EFNA5: variants seen among roughly 807,000 people sequenced by gnomAD.
The protein encoded by EFNA5 is ephrin-A5.
Under a neutral mutation model 22.9 loss-of-function variants are expected in EFNA5, and 5 were observed. That is an observed-to-expected ratio of 0.22 (90% confidence interval 0.11 to 0.46). EFNA5 has a LOEUF of 0.46. EFNA5 is among the 20% of genes least tolerant of loss of function. The pLI, the probability that EFNA5 is intolerant of heterozygous loss-of-function variation, is 0.99. For synonymous variants in EFNA5, 113 were observed against 112.2 expected (o/e 1.01, Z -0.04); for missense variants, 237 against 293.3 (o/e 0.81, Z 1.40).
intron 1 of EFNA5, among the ~76,000 whole-genome samples, chr5:107,592,314 C>G (rs1250541147): frequency 6.6e-6 from 1 of 151,042 alleles, no homozygotes; most frequent in East Asian, 2.0e-4. Context: ...TTCAATTATA[C>G]CAATGATCAA....
At chr5:107,632,339 ATATACT>A (rs1480496904) in intron 1 of EFNA5, among the ~76,000 whole-genome samples, 2 of 152,260 alleles carry the variant, frequency 1.3e-5, no homozygotes, top group Non-Finnish European at 1.5e-5. Flanking sequence ...AAAAACTCTG[ATATACT>A]TATAAGAACA....
At chr5:107,647,286 C>T (rs1401810946) in intron 1 of EFNA5, among the ~76,000 whole-genome samples, 1 of 152,076 alleles carries the variant, frequency 6.6e-6, no homozygotes, top group East Asian at 1.9e-4. Context: ...TATACACTTT[C>T]TTCAGCATCT....
intron 1 of EFNA5, among the ~76,000 whole-genome samples, chr5:107,483,178 T>A (rs905982446): frequency 6.6e-6 from 1 of 152,158 alleles, no homozygotes; most frequent in Admixed American, 6.5e-5. Context: ...TTCCAGAGAT[T>A]ACTTCATTTA....
intron 1 of EFNA5, among the ~76,000 whole-genome samples, chr5:107,660,979 A>G (rs1021122761): frequency 2.6e-5 from 4 of 152,138 alleles, no homozygotes; most frequent in African/African-American, 9.7e-5. Context: ...GTAAACAAAT[A>G]TATGAAGAAA....
At position 107,379,250 on chromosome 5, in the gene EFNA5, T is replaced by C. The variant is rs1194472835; in HGVS notation, c.*2005A>G. 1 of 152,130 alleles carries C rather than the reference T, an allele frequency of 6.6e-6. No individual in the cohort carries two copies. The highest frequency in any genetic ancestry group is 2.4e-5 in the African/African-American group (1 of 41,418). 9.4% of individuals were successfully genotyped at this position (152,130 alleles called of 1,614,324 possible). A position where few individuals can be genotyped will look rare whatever the true frequency, so the allele number is the denominator to read the frequency against. On this transcript the variant is annotated 3_prime_UTR_variant, in exon 5 of 5. Coordinates refer to ENST00000333274, the MANE Select transcript of EFNA5 (RefSeq NM_001962.3). The stretch of plus-strand genomic sequence containing the variant: ...TGACATCCACTCCAAATGGATCAGG[T>C]AAGCCCAGATTACATTTCAACATGT...
chr5:107,527,707 T>C (rs1433419530), intron 1 of EFNA5, among the ~76,000 whole-genome samples: 1 of 152,172 alleles, frequency 6.6e-6, no homozygotes, highest in Non-Finnish European at 1.5e-5. Context: ...TTCAGAGTAG[T>C]CTCATGCACA....
At position 107,427,525 on chromosome 5, in the gene EFNA5, A is replaced by T. The variant is rs1431499771; in HGVS notation, c.126-16T>A. 1 of 1,569,486 alleles carries T rather than the reference A, an allele frequency of 6.4e-7. No individual in the cohort carries two copies. ...CCTCTGGAATCTGTTAGAAAAAGAAAAAAAAATGTGATAATTCATAGAGAA... is the reference window on the plus strand; with the variant it reads ...CCTCTGGAATCTGTTAGAAAAAGAATAAAAAATGTGATAATTCATAGAGAA... On this transcript the variant is annotated splice_polypyrimidine_tract_variant and intron_variant, in intron 1 of 4. Transcript: ENST00000333274.
At chr5:107,577,281 GAAAAGGGGA>G (rs1451352442) in intron 1 of EFNA5, among the ~76,000 whole-genome samples, 1 of 152,044 alleles carries the variant, frequency 6.6e-6, no homozygotes, top group African/African-American at 2.4e-5. Context: ...CGTAGCCTGG[GAAAAGGGGA>G]AATTTGCCAT....
chr5:107,591,893 AT>A (rs1749340824), intron 1 of EFNA5, among the ~76,000 whole-genome samples: 1 of 13,214 alleles, frequency 7.6e-5, no homozygotes, highest in Non-Finnish European at 1.2e-4. Flanking sequence ...TATATATATT[AT>A]ATATAATATA....
At chr5:107,479,732 AC>A (rs1276806245) in intron 1 of EFNA5, among the ~76,000 whole-genome samples, 2 of 152,176 alleles carry the variant, frequency 1.3e-5, no homozygotes, top group Non-Finnish European at 2.9e-5. Context: ...TGAGTGTGTG[AC>A]AGGCATTTTG....
chr5:107,416,542 C>G (rs1748510178), intron 2 of EFNA5, among the ~76,000 whole-genome samples: 1 of 152,096 alleles, frequency 6.6e-6, no homozygotes. Flanking sequence ...AGATACAGTG[C>G]TAGGTACAGT....
chr5:107,554,967 G>A (rs1748376922), intron 1 of EFNA5, among the ~76,000 whole-genome samples: 2 of 152,100 alleles, frequency 1.3e-5, no homozygotes. Context: ...TGGCAGCTGT[G>A]CATTTCTCTA....
intron 1 of EFNA5, among the ~76,000 whole-genome samples, chr5:107,583,938 C>A (rs1378854444): frequency 6.6e-6 from 1 of 151,948 alleles, no homozygotes; most frequent in Non-Finnish European, 1.5e-5. Context: ...CACAGACCTG[C>A]ACACTTAATC....
chr5:107,462,892 G>A (rs1452472420), intron 1 of EFNA5, among the ~76,000 whole-genome samples: 1 of 152,228 alleles, frequency 6.6e-6, no homozygotes, highest in South Asian at 2.1e-4. Context: ...TCATTCATGG[G>A]AATAAGGAGA....
intron 1 of EFNA5, among the ~76,000 whole-genome samples, chr5:107,580,781 C>A (rs1580541174): frequency 6.6e-6 from 1 of 150,874 alleles, no homozygotes; most frequent in East Asian, 2.0e-4. Context: ...ACCACAAACA[C>A]CACAGAAAAA....
intron 1 of EFNA5, among the ~76,000 whole-genome samples, chr5:107,641,247 A>G (rs1750503011): frequency 6.6e-6 from 1 of 151,806 alleles, no homozygotes; most frequent in African/African-American, 2.4e-5. Context: ...AGTCCCAGCT[A>G]CTCGGGAGGC....
At chr5:107,488,053 T>A (rs1746691502) in intron 1 of EFNA5, among the ~76,000 whole-genome samples, 1 of 152,182 alleles carries the variant, frequency 6.6e-6, no homozygotes, top group Non-Finnish European at 1.5e-5. Flanking sequence ...TCAATTAATG[T>A]TTTGAGCCTG....
intron 1 of EFNA5, among the ~76,000 whole-genome samples, chr5:107,512,471 G>A (rs1220275779): frequency 6.6e-6 from 1 of 151,712 alleles, no homozygotes; most frequent in East Asian, 1.9e-4. Context: ...TACCTTCTAG[G>A]AGGTTTACAG....
At chr5:107,446,571 G>C (rs757407946) in intron 1 of EFNA5, among the ~76,000 whole-genome samples, 1 of 151,866 alleles carries the variant, frequency 6.6e-6, no homozygotes, top group Admixed American at 6.6e-5. Context: ...TGGCTAACAC[G>C]GTGAATCCCT....
Sources: gnomAD v4.1 joint callset for allele counts (sites outside exome capture counted in the v4.1 genomes callset) on GRCh38, gnomAD v4.1.1 for gene constraint, MANE v1.5 for transcripts, NCBI Gene and HGNC (gene_info 2026-07-23, HGNC 2026-07-21) for gene names.